Variants in PPARD observed in about 807,000 individuals in gnomAD.
PPARD encodes peroxisome proliferator-activated receptor delta.
Under a neutral mutation model 39.5 loss-of-function variants are expected in PPARD, and 6 were observed. That is an observed-to-expected ratio of 0.15 (90% CI 0.08 to 0.30). The LOEUF (loss-of-function observed/expected upper bound fraction) is 0.30, where lower values mean the gene tolerates loss of function less well. Among genes scored for constraint, PPARD ranks in the 10% least tolerant of loss-of-function variants. The pLI is 1.00. For synonymous variants in PPARD, 210 were observed against 231.3 expected (o/e 0.91, Z 0.83); for missense variants, 397 against 596.8 (o/e 0.67, Z 3.49).
chr6:35,349,270 C>T (rs542013550), intron 2 of PPARD, among the ~76,000 whole-genome samples: 15 of 152,230 alleles, frequency 9.9e-5, no homozygotes, highest in South Asian at 2.1e-4. Context: ...CGTGATCCAC[C>T]GGCCTCGGCC....
At position 35,347,256 on chromosome 6, in the gene PPARD, C is replaced by T. The variant is rs1049100210; in HGVS notation, c.-102+106C>T. 5 of 1,355,294 alleles carry T rather than the reference C, an allele frequency of 3.7e-6. No homozygotes were observed. The African/African-American group carries it at 7.2e-5, about 20-fold the overall frequency. 84.0% of individuals were successfully genotyped at this position (1,355,294 alleles called of 1,614,324 possible). A position where few individuals can be genotyped will look rare whatever the true frequency, so the allele number is the denominator to read the frequency against. ...AAATAATTTCACTAGGGCTTATTCC[C>T]AGATTCCAGGTTCCTGTCACAGCAT... On this transcript the variant is annotated intron_variant, in intron 2 of 7. Coordinates refer to ENST00000360694, the MANE Select transcript of PPARD (RefSeq NM_006238.5).
chr6:35,408,683 AG>A (rs1484605688), intron 2 of PPARD, among the ~76,000 whole-genome samples: 1 of 152,272 alleles, frequency 6.6e-6, no homozygotes, highest in Non-Finnish European at 1.5e-5. Flanking sequence ...GGTGGGTGCC[AG>A]AGGCATGCAG....
At chr6:35,362,806 A>G (rs945603044) in intron 2 of PPARD, among the ~76,000 whole-genome samples, 18 of 152,078 alleles carry the variant, frequency 1.2e-4, no homozygotes, top group Non-Finnish European at 2.6e-4. Context: ...GGAGAAGAAA[A>G]TGTGTCTCAG....
chr6:35,343,657 T>C (rs1322867092), intron 1 of PPARD, among the ~76,000 whole-genome samples: 1 of 152,226 alleles, frequency 6.6e-6, no homozygotes, highest in Non-Finnish European at 1.5e-5. Flanking sequence ...TGTAGGCCAT[T>C]CTTCTTATCT....
intron 1 of PPARD, among the ~76,000 whole-genome samples, chr6:35,343,342 C>T (rs1162658681): frequency 2.0e-5 from 3 of 152,184 alleles, no homozygotes; most frequent in African/African-American, 7.2e-5. Context: ...CTCCCTAAGA[C>T]TCTCACCTTG....
Position 35,364,838 on chromosome 6 carries a change from T to C in PPARD, c.-102+17688T>C, listed in dbSNP as rs907909645. On this transcript the variant is annotated intron_variant, in intron 2 of 7. Transcript: ENST00000360694. Reference sequence around the variant, plus strand: ...GATTCTTCTGCCTCAGCCTCCCGAGTAGCTGGGACTACAGGCGCATGCCAC... The same window carrying C: ...GATTCTTCTGCCTCAGCCTCCCGAGCAGCTGGGACTACAGGCGCATGCCAC... Among the ~76,000 whole-genome samples, 7 of 151,648 alleles carry C rather than the reference T, an allele frequency of 4.6e-5. No homozygotes were observed. The East Asian group carries it at 1.4e-3, about 30-fold the overall frequency.
intron 2 of PPARD, among the ~76,000 whole-genome samples, chr6:35,372,771 T>G (rs1762574577): frequency 6.6e-6 from 1 of 152,192 alleles, no homozygotes; most frequent in African/African-American, 2.4e-5. Context: ...TAGACCTGGG[T>G]TCAGATTCAG....
At chr6:35,402,373 C>T (rs1764754614) in intron 2 of PPARD, among the ~76,000 whole-genome samples, 1 of 152,232 alleles carries the variant, frequency 6.6e-6, no homozygotes, top group Non-Finnish European at 1.5e-5. Context: ...CACGTTAGTG[C>T]TCCCAGTGGA....
chr6:35,411,606 G>C (rs1004419580), intron 3 of PPARD, among the ~76,000 whole-genome samples: 2 of 152,190 alleles, frequency 1.3e-5, no homozygotes, highest in African/African-American at 4.8e-5. Flanking sequence ...CTGTACCTGG[G>C]ATTGTTATGA....
chr6:35,384,994 C>G (rs1185175736), intron 2 of PPARD, among the ~76,000 whole-genome samples: 3 of 141,854 alleles, frequency 2.1e-5, no homozygotes, highest in Non-Finnish European at 4.5e-5. Flanking sequence ...GCCAGCCGCC[C>G]CGTCCGGGAG....
At chr6:35,355,598 C>CTTTTTTTTTTTTTTTTTT (rs1166499750) in intron 2 of PPARD, among the ~76,000 whole-genome samples, 11 of 33,468 alleles carry the variant, frequency 3.3e-4, no homozygotes, top group Admixed American at 5.0e-4. Flanking sequence ...TCTTCTTCTT[C>CTTTTTTTTTTTTTTTTTT]TTTTTTTTTT....
At chr6:35,386,034 G>A (rs1477864207) in intron 2 of PPARD, among the ~76,000 whole-genome samples, 3 of 152,142 alleles carry the variant, frequency 2.0e-5, no homozygotes, top group African/African-American at 7.2e-5. Flanking sequence ...CCCTGGGCAA[G>A]TTACCCTCCT....
At chr6:35,357,573 G>A (rs1301279762) in intron 2 of PPARD, among the ~76,000 whole-genome samples, 1 of 145,144 alleles carries the variant, frequency 6.9e-6, no homozygotes, top group African/African-American at 2.6e-5. Flanking sequence ...GTCTCACTCT[G>A]TGCCCCAGGC....
intron 2 of PPARD, 26 bp from the exon 3 acceptor site, chr6:35,410,961 C>T: frequency 2.4e-6 from 3 of 1,263,720 alleles, no homozygotes; most frequent in Non-Finnish European, 3.0e-6. Flanking sequence ...CTCCCCTGAC[C>T]TCTTCCTGTC....
At chr6:35,374,023 T>C (rs767358499) in intron 2 of PPARD, among the ~76,000 whole-genome samples, 1 of 152,156 alleles carries the variant, frequency 6.6e-6, no homozygotes, top group Non-Finnish European at 1.5e-5. Flanking sequence ...ATTACTTGAA[T>C]TGAACCTTGG....
chr6:35,343,637 A>G lies in PPARD; in HGVS notation c.-186+956A>G, dbSNP rs148895052. On this transcript the variant is annotated intron_variant, in intron 1 of 7. Transcript: ENST00000360694. The stretch of plus-strand genomic sequence containing the variant: ...GTACGTGGGTGTTGCATCAGAGATG[A>G]TGTCCAATTTGTAGGCCATTCTTCT... Among the ~76,000 whole-genome samples, 509 of 152,320 alleles carry G rather than the reference A, an allele frequency of 3.3e-3. 3 individuals are homozygous for G. Among genetic ancestry groups the G allele is most frequent in the Admixed American group, 6.5e-3 (99 of 15,296 alleles).
chr6:35,364,537 A>G (rs1165371598), intron 2 of PPARD, among the ~76,000 whole-genome samples: 1 of 150,120 alleles, frequency 6.7e-6, no homozygotes, highest in Non-Finnish European at 1.5e-5. Context: ...TGGTTCAAGC[A>G]ATTTCCCTGC....
rs1234166427 is a variant in PPARD at position 35,421,747 on chromosome 6, A to G, written c.286-73A>G. 6.0e-6 allele frequency: 9 copies of G among 1,490,674 alleles called. No homozygotes were observed. The South Asian group carries it at 9.3e-5, about 15-fold the overall frequency. The allele number at this position is 1,490,674 out of a possible 1,614,324, so 92.3% of individuals were successfully genotyped here. A position where few individuals can be genotyped will look rare whatever the true frequency, so the allele number is the denominator to read the frequency against. ...TGTCAGGAGTGTTTACACCTTATAC[A>G]TAATCGGGCCCTTTGGCACAGCCTC... On this transcript the variant is annotated intron_variant, in intron 4 of 7. Coordinates refer to ENST00000360694, the MANE Select transcript of PPARD (RefSeq NM_006238.5).
intron 3 of PPARD, among the ~76,000 whole-genome samples, chr6:35,415,804 T>TGTGTGTGTGTGTGTGTGTGTGTGTGTC (rs1257116488): frequency 9.5e-6 from 1 of 105,176 alleles, no homozygotes; most frequent in African/African-American, 8.2e-5. Context: ...GTGTGTGTGT[T>TGTGTGTGTGTGTGTGTGTGTGTGTGTC]GAAAGAAAGA....
Sources: gnomAD v4.1 joint callset for allele counts (sites outside exome capture counted in the v4.1 genomes callset) on GRCh38, gnomAD v4.1.1 for gene constraint, MANE v1.5 for transcripts, NCBI Gene and HGNC (gene_info 2026-07-23, HGNC 2026-07-21) for gene names.